Variants in SYCP1 observed in about 807,000 individuals in gnomAD.
SYCP1 encodes synaptonemal complex protein 1, also known as cancer/testis antigen 8.
Under a neutral mutation model 153.1 loss-of-function variants are expected in SYCP1, and 64 were observed. The observed-to-expected ratio is 0.42, with a 90% CI of 0.34 to 0.51. The LOEUF is 0.51. Among genes scored for constraint, SYCP1 ranks in the 20% least tolerant of loss-of-function variants. SYCP1 has a pLI of 0.06. For synonymous variants in SYCP1, 384 were observed against 341.8 expected (o/e 1.12, Z -1.36); for missense variants, 997 against 1,049.0 (o/e 0.95, Z 0.68).
At chr1:114,914,130 T>C in intron 20 of SYCP1, 85 bp downstream of exon 20, 1 of 1,004,684 alleles carries the variant, frequency 1.0e-6, no homozygotes, top group Non-Finnish European at 1.4e-6. Context: ...TAATTTAAAT[T>C]GGACTGCTGT....
intron 20 of SYCP1, among the ~76,000 whole-genome samples, chr1:114,922,866 T>C (rs2101724630): frequency 6.6e-6 from 1 of 152,286 alleles, no homozygotes; most frequent in African/African-American, 2.4e-5. Context: ...TCAAAACAAG[T>C]TAATTACTTC....
At chr1:114,912,642 G>A (rs1050438966) in intron 18 of SYCP1, among the ~76,000 whole-genome samples, 5 of 151,832 alleles carry the variant, frequency 3.3e-5, no homozygotes, top group South Asian at 2.1e-4. Context: ...CTAATGCTTC[G>A]TGTACTACTT....
In SYCP1 at chr1:114,874,138, T is replaced by C. The variant is rs373659139; in HGVS notation, c.599-368T>C. ...CTCTGGTTCCCACAGAGTTTTCTGCTTATGGGTTTCTGCCCTGGTAAGTTG... is the reference window on the plus strand; with the variant it reads ...CTCTGGTTCCCACAGAGTTTTCTGCCTATGGGTTTCTGCCCTGGTAAGTTG... On this transcript the variant is annotated intron_variant, in intron 8 of 31. Coordinates refer to ENST00000369522, the MANE Select transcript of SYCP1 (RefSeq NM_003176.4). Among the ~76,000 whole-genome samples, 49 of 152,376 alleles carry C rather than the reference T, an allele frequency of 3.2e-4. No individual in the cohort carries two copies. In the East Asian group the frequency reaches 8.1e-3, roughly 25 times the overall value.
chr1:114,963,197 T>C (rs924550035), intron 27 of SYCP1, among the ~76,000 whole-genome samples: 5 of 152,194 alleles, frequency 3.3e-5, no homozygotes, highest in African/African-American at 4.8e-5. Flanking sequence ...TTGAGCCTCT[T>C]GTATTTGGAT....
intron 30 of SYCP1, among the ~76,000 whole-genome samples, 183 bp downstream of exon 30, chr1:114,985,051 A>G (rs1217108874): frequency 6.6e-6 from 1 of 151,836 alleles, no homozygotes; most frequent in Non-Finnish European, 1.5e-5. Context: ...TTAGGGTTCA[A>G]ATAATTTCCC....
At chr1:114,927,390 GT>G (rs545979853) in intron 23 of SYCP1, among the ~76,000 whole-genome samples, 1 of 151,558 alleles carries the variant, frequency 6.6e-6, no homozygotes, top group Non-Finnish European at 1.5e-5. Context: ...ATAAAAATCA[GT>G]CAATAAAAAA....
Position 114,981,389 on chromosome 1 carries a change from T to C in SYCP1, c.2436T>C (p.Ser812=), listed in dbSNP as rs1673143196. The change falls in exon 29 of 32, where the codon TCT becomes TCC. Residue 812 remains serine (S), a synonymous_variant. Transcript: ENST00000369522. The part of the protein sequence containing the change: ...ETPEIYWKLD[S]KAVPSQTVSR... ...CTGAAATTTATTGGAAATTGGATTC[T>C]AAAGCAGTTCCTTCACAAACTGTAT... is the stretch of plus-strand genomic sequence containing the variant. The C allele has an allele frequency of 8.7e-6, 14 of 1,608,300 alleles. No homozygotes were observed. Among genetic ancestry groups the C allele is most frequent in the Non-Finnish European group, 1.2e-5 (14 of 1,177,960 alleles).
intron 23 of SYCP1, among the ~76,000 whole-genome samples, chr1:114,933,561 T>C (rs138711753): frequency 6.6e-6 from 1 of 152,254 alleles, no homozygotes; most frequent in East Asian, 1.9e-4. Context: ...TTTTGATGAG[T>C]TGAGAGAAGA....
At position 114,911,493 on chromosome 1, in the gene SYCP1, T is replaced by G; in HGVS notation, c.1440T>G (p.Asp480Glu). Residue 480 changes from aspartate to glutamate, a missense_variant, in exon 18 of 32, where the codon GAT (aspartate) becomes GAG (glutamate). Physicochemically the swap from Asp to Glu is conservative, Grantham distance 45. Coordinates refer to ENST00000369522, the MANE Select transcript of SYCP1 (RefSeq NM_003176.4). ...LLQAREKEVH[D>E]LEIQLTAITT... ...TTATTTTGCAGAAAGAAGTACATGATTTGGAAATACAGTTAACTGCCATTA... is the reference window on the plus strand; with the variant it reads ...TTATTTTGCAGAAAGAAGTACATGAGTTGGAAATACAGTTAACTGCCATTA... 6.4e-7 allele frequency: 1 copy of G among 1,554,118 alleles called. No individual in the cohort carries two copies.
chr1:114,929,346 C>A (rs1194717771), intron 23 of SYCP1, among the ~76,000 whole-genome samples: 2 of 151,662 alleles, frequency 1.3e-5, no homozygotes, highest in African/African-American at 2.4e-5. Context: ...TGAACTCAAG[C>A]ATATCAATAA....
intron 23 of SYCP1, among the ~76,000 whole-genome samples, chr1:114,936,756 A>C (rs1670039269): frequency 1.3e-5 from 2 of 151,180 alleles, no homozygotes; most frequent in Non-Finnish European, 3.0e-5. Flanking sequence ...CTATACACCA[A>C]TAACGGAGAG....
At chr1:114,867,842 TA>T (rs1664867275) in intron 8 of SYCP1, among the ~76,000 whole-genome samples, 1 of 152,138 alleles carries the variant, frequency 6.6e-6, no homozygotes, top group African/African-American at 2.4e-5. Context: ...TTCCTGATCT[TA>T]GTGGGAAAGC....
chr1:114,961,930 C>T (rs1671804211), intron 27 of SYCP1, among the ~76,000 whole-genome samples: 1 of 149,886 alleles, frequency 6.7e-6, no homozygotes, highest in Non-Finnish European at 1.5e-5. Context: ...CTAGTGCTGC[C>T]AGTGAAGTAT....
rs185852993 is a variant in SYCP1 at position 114,892,967 on chromosome 1, G to A, written c.1259-2481G>A. On this transcript the variant is annotated intron_variant, in intron 15 of 31. Coordinates refer to ENST00000369522, the MANE Select transcript of SYCP1 (RefSeq NM_003176.4). The stretch of plus-strand genomic sequence containing the variant: ...ACCCAGCATAAATTCCCTCTATGGA[G>A]CAATGCCTTTGTGAGATCTCTAGGC... Among the ~76,000 whole-genome samples the A allele has an allele frequency of 1.2e-4, 19 of 152,258 alleles. 1 individual carries two copies. Among genetic ancestry groups the A allele is most frequent in the Admixed American group, 1.0e-3 (16 of 15,300 alleles).
chr1:114,984,059 C>T (rs1673340164), intron 29 of SYCP1, among the ~76,000 whole-genome samples: 2 of 151,860 alleles, frequency 1.3e-5, no homozygotes, highest in African/African-American at 4.8e-5. Context: ...GCCACCATAC[C>T]TGGCTATGTT....
intron 9 of SYCP1, among the ~76,000 whole-genome samples, chr1:114,875,174 ATGTGTGTGTGTGTG>A (rs60673306): frequency 1.4e-5 from 2 of 139,562 alleles, no homozygotes; most frequent in Non-Finnish European, 3.2e-5. Context: ...TGTATTTGAT[ATGTGTGTGTGTGTG>A]TGTGTGTGTG....
intron 30 of SYCP1, 104 bp from the exon 31 acceptor site, chr1:114,994,594 T>C: frequency 1.2e-6 from 1 of 806,774 alleles, no homozygotes; most frequent in Non-Finnish European, 1.8e-6. Flanking sequence ...ATCCTTCCTC[T>C]TTCTACTCTT....
At chr1:114,980,353 GA>G (rs746357784) in intron 28 of SYCP1, among the ~76,000 whole-genome samples, 2 of 151,864 alleles carry the variant, frequency 1.3e-5, no homozygotes, top group Non-Finnish European at 2.9e-5. Flanking sequence ...GGTGCTAAAA[GA>G]AGCTGTATAC....
At position 114,857,228 on chromosome 1, in the gene SYCP1, G is replaced by A; in HGVS notation, c.194-4G>A. The A allele has an allele frequency of 6.3e-7, 1 of 1,588,612 alleles. No homozygotes were observed. On this transcript the variant is annotated splice_polypyrimidine_tract_variant and splice_region_variant and intron_variant, in intron 3 of 31. Transcript: ENST00000369522. ...TTTAATACCTGTTGTCTTTTATCTTGCAGATCCTGCTTTACAAAAAGTTAA... is the reference window on the plus strand; with the variant it reads ...TTTAATACCTGTTGTCTTTTATCTTACAGATCCTGCTTTACAAAAAGTTAA...
Sources: gnomAD v4.1 joint callset for allele counts (sites outside exome capture counted in the v4.1 genomes callset) on GRCh38, gnomAD v4.1.1 for gene constraint, MANE v1.5 for transcripts, NCBI Gene and HGNC (gene_info 2026-07-23, HGNC 2026-07-21) for gene names.